The following RBMS3 variants were observed in gnomAD, a reference collection of about 807,000 sequenced individuals.
RBMS3 encodes RNA binding motif single stranded interacting protein 3, also known as RNA-binding motif, single-stranded-interacting protein 3.
Under a neutral mutation model 66.8 loss-of-function variants are expected in RBMS3, and 27 were observed. The observed-to-expected ratio is 0.40, with a 90% CI of 0.30 to 0.56. The LOEUF is 0.56. Ranked by LOEUF, RBMS3 falls within the 20% of genes least tolerant of loss-of-function variation. The probability of loss-of-function intolerance (pLI) is 0.40; values close to 1 mark genes in which losing one functional copy is unlikely to be tolerated. For missense variants in RBMS3, 513 were observed against 549.5 expected, an observed-to-expected ratio of 0.93 and a Z score of 0.66; for synonymous variants, 188 against 183.0, an observed-to-expected ratio of 1.03 and a Z score of -0.22.
At chr3:29,589,800 T>C (rs1011617953) in intron 4 of RBMS3, among the ~76,000 whole-genome samples, 2 of 152,088 alleles carry the variant, frequency 1.3e-5, no homozygotes, top group African/African-American at 4.8e-5. Flanking sequence ...TTCTTATCAA[T>C]ATCCTACTAT....
At chr3:29,446,675 T>G (rs2041843318) in intron 2 of RBMS3, among the ~76,000 whole-genome samples, 1 of 152,144 alleles carries the variant, frequency 6.6e-6, no homozygotes, top group African/African-American at 2.4e-5. Flanking sequence ...GGGAAGTTTT[T>G]GAACCAAAAG....
At chr3:29,383,594 T>C (rs2038868954) in intron 1 of RBMS3, among the ~76,000 whole-genome samples, 3 of 152,200 alleles carry the variant, frequency 2.0e-5, no homozygotes, top group Non-Finnish European at 2.9e-5. Context: ...AGCCAAGGAA[T>C]AGGGATATAT....
At chr3:29,690,137 G>T (rs1576532647) in intron 4 of RBMS3, among the ~76,000 whole-genome samples, 2 of 151,866 alleles carry the variant, frequency 1.3e-5, no homozygotes, top group Non-Finnish European at 2.9e-5. Context: ...GATCAATAGA[G>T]ATTTTTGAGA....
At chr3:29,457,827 CTTTT>C (rs36020077) in intron 2 of RBMS3, among the ~76,000 whole-genome samples, 1 of 140,828 alleles carries the variant, frequency 7.1e-6, no homozygotes. Context: ...TCAATTTGCA[CTTTT>C]TTTTTTTTTT....
chr3:29,895,022 T>C (rs566339323), intron 8 of RBMS3, among the ~76,000 whole-genome samples: 1 of 151,576 alleles, frequency 6.6e-6, no homozygotes, highest in East Asian at 2.0e-4. Context: ...ATCACAGAAG[T>C]AGGCAATAGC....
At chr3:29,321,058 A>C in intron 1 of RBMS3, among the ~76,000 whole-genome samples, 1 of 152,034 alleles carries the variant, frequency 6.6e-6, no homozygotes, top group East Asian at 1.9e-4. Flanking sequence ...GTACCAAATG[A>C]CCCATACATC....
intron 1 of RBMS3, among the ~76,000 whole-genome samples, chr3:29,392,036 G>T (rs1160115394): frequency 2.6e-5 from 4 of 152,032 alleles, no homozygotes; most frequent in Non-Finnish European, 4.4e-5. Context: ...GATCACTTGA[G>T]GTCAGGAGTT....
intron 4 of RBMS3, among the ~76,000 whole-genome samples, chr3:29,697,578 C>T (rs2149282493): frequency 6.6e-6 from 1 of 152,306 alleles, no homozygotes; most frequent in South Asian, 2.1e-4. Context: ...TCCAAAATGC[C>T]TGGGACCAGA....
At chr3:29,370,252 T>C (rs943040978) in intron 1 of RBMS3, among the ~76,000 whole-genome samples, 3 of 152,196 alleles carry the variant, frequency 2.0e-5, no homozygotes, top group African/African-American at 7.2e-5. Flanking sequence ...AGTTGGACTT[T>C]GTTGAGCCTA....
At chr3:29,408,381 A>G (rs989190463) in intron 1 of RBMS3, among the ~76,000 whole-genome samples, 1 of 151,876 alleles carries the variant, frequency 6.6e-6, no homozygotes, top group African/African-American at 2.4e-5. Context: ...TTGATTAAGC[A>G]CTTAATCTGT....
intron 1 of RBMS3, among the ~76,000 whole-genome samples, chr3:29,312,742 T>C (rs1473398678): frequency 6.6e-6 from 1 of 151,304 alleles, no homozygotes; most frequent in Non-Finnish European, 1.5e-5. Context: ...TCTGCAAATA[T>C]AGAGATGAAG....
At chr3:29,436,521 G>C (rs931149231) in intron 2 of RBMS3, among the ~76,000 whole-genome samples, 2 of 152,176 alleles carry the variant, frequency 1.3e-5, no homozygotes, top group Non-Finnish European at 2.9e-5. Context: ...TTGAGAATCA[G>C]AAGATAAATA....
intron 11 of RBMS3, among the ~76,000 whole-genome samples, chr3:29,937,924 T>C (rs906430886): frequency 1.3e-5 from 2 of 151,960 alleles, no homozygotes; most frequent in Admixed American, 6.6e-5. Context: ...CCTTCAGTGA[T>C]CATAAATTCT....
chr3:29,979,467 T>A (rs1386164491), intron 12 of RBMS3, among the ~76,000 whole-genome samples: 1 of 152,158 alleles, frequency 6.6e-6, no homozygotes, highest in Non-Finnish European at 1.5e-5. Context: ...TACTTTATTA[T>A]TAAGTTCTGG....
At chr3:29,388,578 T>A (rs940603666) in intron 1 of RBMS3, among the ~76,000 whole-genome samples, 12 of 152,056 alleles carry the variant, frequency 7.9e-5, no homozygotes, top group Admixed American at 1.3e-4. Context: ...ACTGGCAAAA[T>A]TTTTTTTCTT....
At chr3:29,981,071 TG>T (rs1697952302) in intron 12 of RBMS3, among the ~76,000 whole-genome samples, 2 of 152,368 alleles carry the variant, frequency 1.3e-5, no homozygotes, top group East Asian at 1.9e-4. Context: ...GAGCATGGAA[TG>T]TTTTTTTCCA....
intron 4 of RBMS3, among the ~76,000 whole-genome samples, chr3:29,665,016 T>C (rs1426736401): frequency 1.3e-5 from 2 of 152,168 alleles, no homozygotes; most frequent in African/African-American, 4.8e-5. Flanking sequence ...GAAGAACTTA[T>C]GAAGAATAAT....
intron 12 of RBMS3, among the ~76,000 whole-genome samples, chr3:29,978,672 T>C (rs1697761611): frequency 6.6e-6 from 1 of 151,934 alleles, no homozygotes; most frequent in Non-Finnish European, 1.5e-5. Flanking sequence ...AAAAAAAAAC[T>C]AAAATTATCA....
At chr3:29,546,281 G>T (rs976455770) in intron 3 of RBMS3, among the ~76,000 whole-genome samples, 1 of 152,078 alleles carries the variant, frequency 6.6e-6, no homozygotes, top group East Asian at 1.9e-4. Context: ...TTATGGAACA[G>T]AATGAGGCAT....
Sources: allele counts gnomAD v4.1 joint callset (sites outside exome capture counted in the v4.1 genomes callset), GRCh38; gene constraint gnomAD v4.1.1; transcripts MANE v1.5; gene names NCBI Gene and HGNC (gene_info 2026-07-23, HGNC 2026-07-21).